Variants in APP observed in about 807,000 individuals in gnomAD.
APP encodes amyloid beta precursor protein, also known as amyloid-beta precursor protein.
Under a neutral mutation model 101.4 loss-of-function variants are expected in APP, and 31 were observed. That is an observed-to-expected ratio of 0.31 (90% CI 0.23 to 0.41). The LOEUF (loss-of-function observed/expected upper bound fraction) is 0.41, where lower values mean the gene tolerates loss of function less well. Among genes scored for constraint, APP ranks in the 10% least tolerant of loss-of-function variants. The pLI is 1.00. For synonymous variants in APP, 366 were observed against 364.4 expected (o/e 1.00, Z -0.05); for missense variants, 839 against 1,003.7 (o/e 0.84, Z 2.22).
At chr21:26,008,105 G>A (rs1358717843) in intron 6 of APP, among the ~76,000 whole-genome samples, 2 of 152,160 alleles carry the variant, frequency 1.3e-5, no homozygotes, top group South Asian at 2.1e-4. Context: ...GAAGATATCC[G>A]CAGTTGGCTA....
rs192871497 is a variant in APP at position 26,038,551 on chromosome 21, G to A, written c.662+12449C>T. Among the ~76,000 whole-genome samples the A allele has an allele frequency of 3.1e-4, 47 of 152,242 alleles. No individual in the cohort carries two copies. The East Asian group carries it at 4.1e-3, about 13-fold the overall frequency. On this transcript the variant is annotated intron_variant, in intron 5 of 17. Coordinates refer to ENST00000346798, the MANE Select transcript of APP (RefSeq NM_000484.4). The stretch of plus-strand genomic sequence containing the variant: ...GCCCGAGGCAGGCGGATCACCTGAG[G>A]TCAGGAGTTCGAGACCAGTCTGGCC...
chr21:26,140,089 AACAG>A lies in APP; in HGVS notation c.58-27947_58-27944del, dbSNP rs1226244297. 5 of 1,188,148 alleles carry A rather than the reference AACAG, an allele frequency of 4.2e-6. No individual in the cohort carries two copies. The Admixed American group carries it at 6.0e-5, about 14-fold the overall frequency. The allele number at this position is 1,188,148 out of a possible 1,614,324, so 73.6% of individuals were successfully genotyped here. ...CTTTTGAAAGATATTACTGTCTGAG[AACAG>A]AGTTTCATCTTACCCAAATACAGAC... On this transcript the variant is annotated intron_variant, in intron 1 of 17. Coordinates refer to ENST00000346798, the MANE Select transcript of APP (RefSeq NM_000484.4).
At chr21:25,997,481 T>C (rs927594340) in intron 7 of APP, 65 bp from the exon 8 acceptor site, 7 of 1,419,456 alleles carry the variant, frequency 4.9e-6, no homozygotes, top group Non-Finnish European at 7.0e-6. Context: ...ATGGCTGAAA[T>C]GCACGAGTCC....
At chr21:25,893,885 CT>C (rs1209734034) in intron 16 of APP, among the ~76,000 whole-genome samples, 2 of 152,200 alleles carry the variant, frequency 1.3e-5, no homozygotes, top group Non-Finnish European at 2.9e-5. Flanking sequence ...CCATCTAGGA[CT>C]TTCATCACTA....
rs545585226 is a variant in APP, at chr21:25,947,034, C to T, written c.1687+7556G>A. Among the ~76,000 whole-genome samples the T allele has an allele frequency of 2.0e-5, 3 of 152,258 alleles. No individual in the cohort carries two copies. The East Asian group carries it at 5.8e-4, about 29-fold the overall frequency. ...TTTTTAATGTAGCTAAAAGGATTTA[C>T]TTTTTCCTAAAATTATGGAGTAGAA... On this transcript the variant is annotated intron_variant, in intron 13 of 17. Transcript: ENST00000346798.
chr21:26,099,849 T>C (rs2062020212), intron 2 of APP, among the ~76,000 whole-genome samples: 1 of 152,326 alleles, frequency 6.6e-6, no homozygotes, highest in South Asian at 2.1e-4. Context: ...TGTTTCCAAA[T>C]GATGGCCTTA....
rs998498917 is a variant in APP at position 26,170,549 on chromosome 21, A to G, written c.57+15T>C. On this transcript the variant is annotated intron_variant, in intron 1 of 17. Transcript: ENST00000346798. Reference sequence around the variant, plus strand: ...CCGTGCAGCCTCCCCCCGCCTTCCGAGGCGCGGCACCCACCTCCAGCGCCC... The same window carrying G: ...CCGTGCAGCCTCCCCCCGCCTTCCGGGGCGCGGCACCCACCTCCAGCGCCC... 175 of 1,537,074 alleles carry G rather than the reference A, an allele frequency of 1.1e-4. No individual in the cohort carries two copies. Among genetic ancestry groups the G allele is most frequent in the Non-Finnish European group, 1.5e-4 (171 of 1,146,058 alleles).
intron 5 of APP, among the ~76,000 whole-genome samples, chr21:26,026,407 G>C (rs1028456432): frequency 1.3e-5 from 2 of 152,164 alleles, no homozygotes; most frequent in Admixed American, 1.3e-4. Flanking sequence ...AAAATTTTAT[G>C]TGTCAGCATG....
intron 5 of APP, among the ~76,000 whole-genome samples, chr21:26,028,917 G>A (rs1015980934): frequency 6.6e-6 from 1 of 152,164 alleles, no homozygotes; most frequent in African/African-American, 2.4e-5. Context: ...GTGTGCCAGG[G>A]ATGGGTAGCA....
At chr21:25,970,818 T>C (rs1391813126) in intron 11 of APP, among the ~76,000 whole-genome samples, 13 of 152,136 alleles carry the variant, frequency 8.5e-5, no homozygotes, top group Non-Finnish European at 1.8e-4. Flanking sequence ...TCTTACGTCT[T>C]GGAAGAATGC....
intron 15 of APP, among the ~76,000 whole-genome samples, chr21:25,902,186 CT>C (rs1569031190): frequency 6.6e-6 from 1 of 152,018 alleles, no homozygotes; most frequent in African/African-American, 2.4e-5. Context: ...AAACAAAAAC[CT>C]TTTTTTAACT....
rs1213088480 is a variant in APP at position 26,108,290 on chromosome 21, A to G, written c.225+3689T>C. On this transcript the variant is annotated intron_variant, in intron 2 of 17. Transcript: ENST00000346798. ...ATGTATTTAACAACATATTCAAAAC[A>G]TAACTATTTCAATGTTAAACCTATA... 2.0e-5 allele frequency among the ~76,000 whole-genome samples: 3 copies of G among 152,240 alleles called. 1 individual carries two copies. In the East Asian group the frequency reaches 5.8e-4, roughly 29 times the overall value.
chr21:26,069,362 C>G (rs573973060), intron 3 of APP, among the ~76,000 whole-genome samples: 1 of 152,270 alleles, frequency 6.6e-6, no homozygotes, highest in Admixed American at 6.5e-5. Flanking sequence ...TGGCCAGAAA[C>G]TCATCCTTCC....
At chr21:26,012,771 C>T (rs1230780958) in intron 6 of APP, among the ~76,000 whole-genome samples, 2 of 152,028 alleles carry the variant, frequency 1.3e-5, no homozygotes, top group Non-Finnish European at 2.9e-5. Flanking sequence ...GTCAGAAGTT[C>T]GAGACCAGTC....
At chr21:25,890,804 G>A (rs530944283) in intron 17 of APP, among the ~76,000 whole-genome samples, 1 of 150,724 alleles carries the variant, frequency 6.6e-6, no homozygotes, top group East Asian at 2.0e-4. Flanking sequence ...GAACCCTTCT[G>A]TCTCGGCCTC....
intron 15 of APP, among the ~76,000 whole-genome samples, chr21:25,904,588 A>T (rs936394058): frequency 1.3e-5 from 2 of 152,208 alleles, no homozygotes; most frequent in Non-Finnish European, 2.9e-5. Context: ...AGCCCAGTTC[A>T]GTTAGAAAAT....
chr21:25,929,130 T>C (rs942518500), intron 13 of APP: 1 of 152,214 alleles, frequency 6.6e-6, no homozygotes, highest in Non-Finnish European at 1.5e-5. Context: ...GCTGCCTGGC[T>C]GGTTGAGAGA....
At chr21:25,974,301 T>G (rs45523931) in intron 11 of APP, among the ~76,000 whole-genome samples, 35,367 of 152,050 alleles carry the variant, frequency 0.23, 4,512 homozygotes, top group East Asian at 0.44. Flanking sequence ...TGGGCAAGGT[T>G]ACTTCTAAAA....
chr21:25,904,257 C>T (rs2038667157), intron 15 of APP, among the ~76,000 whole-genome samples: 1 of 152,078 alleles, frequency 6.6e-6, no homozygotes, highest in Non-Finnish European at 1.5e-5. Flanking sequence ...TGAGGTTGTT[C>T]ATAGAGTAGA....
Sources: gnomAD v4.1 joint callset for allele counts (sites outside exome capture counted in the v4.1 genomes callset) on GRCh38, gnomAD v4.1.1 for gene constraint, MANE v1.5 for transcripts, NCBI Gene and HGNC (gene_info 2026-07-23, HGNC 2026-07-21) for gene names.